Variants in ZNF121 observed in about 807,000 individuals in gnomAD.
ZNF121 encodes the protein zinc finger protein 121, also known as zinc finger protein 121 (clone ZHC32).
Under a neutral mutation model 2.4 loss-of-function variants are expected in ZNF121, and 1 was observed. The ratio of observed to expected loss-of-function variants is 0.41; its 90% CI spans 0.15 to 1.94. The LOEUF (loss-of-function observed/expected upper bound fraction) is 1.94. ZNF121 is among the 30% of genes most tolerant of loss of function. The probability of loss-of-function intolerance (pLI) is 0.30; values close to 1 mark genes in which losing one functional copy is unlikely to be tolerated. For missense variants in ZNF121, 369 were observed against 466.3 expected (o/e 0.79, Z 1.92); for synonymous variants, 173 against 158.6 (o/e 1.09, Z -0.68).
chr19:9,576,114 A>G (rs1381710906), intron 1 of ZNF121, among the ~76,000 whole-genome samples: 1 of 152,236 alleles, frequency 6.6e-6, no homozygotes, highest in Non-Finnish European at 1.5e-5. Context: ...CCACAAAAAA[A>G]AGTCACAACA....
At position 9,566,065 on chromosome 19, in the gene ZNF121, G is replaced by A. The variant is rs2074129602; in HGVS notation, c.1048C>T (p.Arg350Cys). Residue 350 changes from arginine to cysteine, a missense_variant, in exon 4 of 4, where the codon CGT (arginine) becomes TGT (cysteine). Arg to Cys is a radical substitution (Grantham distance 180). Around this residue, in one of 4 missense-constraint regions of ZNF121, gnomAD observed 127 missense variants for 169.9 expected, o/e 0.75. Coordinates refer to ENST00000320451, the MANE Select transcript of ZNF121 (RefSeq NM_001008727.5). ...YICKECGKTF[R>C]ASSHLQKHVR... Reference sequence around the variant, plus strand: ...TGTTTCTGTAGATGTGAAGAAGCACGGAAGGTTTTCCCACATTCCTTACAT... The same window carrying A: ...TGTTTCTGTAGATGTGAAGAAGCACAGAAGGTTTTCCCACATTCCTTACAT... The A allele has an allele frequency of 6.2e-7, 1 of 1,613,218 alleles. No individual in the cohort carries two copies. Among genetic ancestry groups the A allele is most frequent in the Non-Finnish European group, 8.5e-7 (1 of 1,179,688 alleles).
chr19:9,574,112 A>G (rs1263715391), intron 1 of ZNF121, among the ~76,000 whole-genome samples: 1 of 151,488 alleles, frequency 6.6e-6, no homozygotes, highest in Non-Finnish European at 1.5e-5. Context: ...GCACTTGAAC[A>G]TAAATTTTAT....
At chr19:9,574,360 TAGTC>T (rs2074195755) in intron 1 of ZNF121, among the ~76,000 whole-genome samples, 2 of 152,172 alleles carry the variant, frequency 1.3e-5, no homozygotes, top group South Asian at 4.1e-4. Flanking sequence ...TTCATCGTGT[TAGTC>T]AGGATGGTCT....
chr19:9,565,610 G>A lies in ZNF121; in HGVS notation c.*330C>T, dbSNP rs59495245. On this transcript the variant is annotated 3_prime_UTR_variant, in exon 4 of 4. Transcript: ENST00000320451. Reference sequence around the variant, plus strand: ...GAACCCAGGAGACAAAGGTTGCAGTGAGCTGGGATCATGCCATTGCACTCC... The same window carrying A: ...GAACCCAGGAGACAAAGGTTGCAGTAAGCTGGGATCATGCCATTGCACTCC... The A allele has an allele frequency of 6.6e-3, 999 of 152,250 alleles. 7 individuals carry two copies. The highest frequency in any genetic ancestry group is 0.023 in the African/African-American group (932 of 41,218). The allele number at this position is 152,250 out of a possible 1,614,324, so 9.4% of individuals were successfully genotyped here.
At chr19:9,581,364 T>C (rs2074247212) in intron 1 of ZNF121, among the ~76,000 whole-genome samples, 1 of 147,362 alleles carries the variant, frequency 6.8e-6, no homozygotes, top group Non-Finnish European at 1.5e-5. Context: ...TAATCCCGGT[T>C]GGTGAAACAC....
In ZNF121 at chr19:9,570,897, A is replaced by G. The variant is rs189309213; in HGVS notation, c.-159-1815T>C. Among the ~76,000 whole-genome samples, 16 of 152,292 alleles carry G rather than the reference A, an allele frequency of 1.1e-4. 1 individual carries two copies. Among genetic ancestry groups the G allele is most frequent in the African/African-American group, 3.4e-4 (14 of 41,558 alleles). On this transcript the variant is annotated intron_variant, in intron 1 of 3. Coordinates refer to ENST00000320451, the MANE Select transcript of ZNF121 (RefSeq NM_001008727.5). ...CACCCAGCCGAGTTCCCTGCTTTCA[A>G]TCGAGATGAAGGGGACCCAGAATAG...
chr19:9,574,153 T>C (rs2074193824), intron 1 of ZNF121, among the ~76,000 whole-genome samples: 1 of 151,974 alleles, frequency 6.6e-6, no homozygotes, highest in Non-Finnish European at 1.5e-5. Flanking sequence ...AATTTATTTA[T>C]ACATTTTTTT....
At chr19:9,569,862 G>A (rs572666653) in intron 1 of ZNF121, among the ~76,000 whole-genome samples, 3 of 130,086 alleles carry the variant, frequency 2.3e-5, no homozygotes, top group South Asian at 2.3e-4. Context: ...TTTTTTTTAC[G>A]ATATCGTCAA....
intron 1 of ZNF121, among the ~76,000 whole-genome samples, chr19:9,572,013 C>G (rs987207960): frequency 3.3e-5 from 5 of 152,194 alleles, no homozygotes; most frequent in East Asian, 3.8e-4. Flanking sequence ...AATCCTCCCA[C>G]GTCAGCCTCC....
chr19:9,569,830 G>A (rs2074160230), intron 1 of ZNF121, among the ~76,000 whole-genome samples: 1 of 145,868 alleles, frequency 6.9e-6, no homozygotes, highest in African/African-American at 2.6e-5. Context: ...ACCACGCCTG[G>A]CCGAGATCTT....
At chr19:9,582,943 C>T (rs1357727329) in intron 1 of ZNF121, among the ~76,000 whole-genome samples, 2 of 50,984 alleles carry the variant, frequency 3.9e-5, no homozygotes, top group African/African-American at 1.7e-4. Context: ...TGGCCAGGAG[C>T]GGAGGCTCAC....
rs994313110 is a variant in ZNF121 at position 9,572,698 on chromosome 19, T to C, written c.-159-3616A>G. ...GGGCAGTATTCTTGATAGTTTGCTA[T>C]AGCAAAGGCAAACGTGGGTTTAAGA... is the stretch of plus-strand genomic sequence containing the variant. On this transcript the variant is annotated intron_variant, in intron 1 of 3. Coordinates refer to ENST00000320451, the MANE Select transcript of ZNF121 (RefSeq NM_001008727.5). Among the ~76,000 whole-genome samples, 5 of 152,178 alleles carry C rather than the reference T, an allele frequency of 3.3e-5. 1 individual carries two copies. Among genetic ancestry groups the C allele is most frequent in the Admixed American group, 3.3e-4 (5 of 15,276 alleles).
rs569281777 is a variant in ZNF121 at position 9,584,024 on chromosome 19, C to T, written c.-160+437G>A. Among the ~76,000 whole-genome samples, 12 of 152,190 alleles carry T rather than the reference C, an allele frequency of 7.9e-5. No individual in the cohort carries two copies. The East Asian group carries it at 2.1e-3, about 27-fold the overall frequency. On this transcript the variant is annotated intron_variant, in intron 1 of 3. Transcript: ENST00000320451. Reference sequence around the variant, plus strand: ...GATTCTCAGACGAGACATTTTTAAGCAAAGAAATGGAAGTCAGAGCCCTCT... The same window carrying T: ...GATTCTCAGACGAGACATTTTTAAGTAAAGAAATGGAAGTCAGAGCCCTCT...
At chr19:9,575,495 G>T (rs1005426569) in intron 1 of ZNF121, among the ~76,000 whole-genome samples, 1 of 151,966 alleles carries the variant, frequency 6.6e-6, no homozygotes, top group Non-Finnish European at 1.5e-5. Flanking sequence ...TGTAATCCCA[G>T]CACTCTGGGA....
chr19:9,579,841 G>A (rs894782608), intron 1 of ZNF121, among the ~76,000 whole-genome samples: 3 of 152,132 alleles, frequency 2.0e-5, no homozygotes, highest in African/African-American at 7.2e-5. Context: ...TATTTAAGGT[G>A]ACAGATATTC....
In ZNF121 at chr19:9,566,336, C is replaced by G. The variant is rs754653253; in HGVS notation, c.777G>C (p.Lys259Asn). ...AGCTTCTGAAGGATTTTCCACATAC[C>G]TTACATTCAAAGGGCTTCTCCTCTG... is the stretch of plus-strand genomic sequence containing the variant. Reference protein sequence around the residue: ...THTEEKPFECKVCGKSFRSSS... With the variant: ...THTEEKPFECNVCGKSFRSSS... The change falls in exon 4 of 4, where the codon AAG becomes AAC. Residue 259 changes from lysine (K) to asparagine (N), a missense_variant. Lys to Asn is a moderately conservative substitution (Grantham distance 94, BLOSUM62 0). Transcript: ENST00000320451. 1 of 1,613,858 alleles carries G rather than the reference C, an allele frequency of 6.2e-7. No homozygotes were observed. The highest frequency in any genetic ancestry group is 8.5e-7 in the Non-Finnish European group (1 of 1,179,962).
chr19:9,573,881 C>G (rs764977879), intron 1 of ZNF121, among the ~76,000 whole-genome samples: 1 of 152,084 alleles, frequency 6.6e-6, no homozygotes, highest in Non-Finnish European at 1.5e-5. Context: ...CGGTCTCACT[C>G]CGTTGCCCAG....
chr19:9,575,013 A>C (rs1019170437), intron 1 of ZNF121, among the ~76,000 whole-genome samples: 1 of 152,218 alleles, frequency 6.6e-6, no homozygotes, highest in African/African-American at 2.4e-5. Context: ...CCTGAGCTCA[A>C]GCAATCCACC....
Position 9,565,385 on chromosome 19 carries a change from A to AAAAAAAAC in ZNF121, c.*554_*555insGTTTTTTT, listed in dbSNP as rs2074123398. 1 of 146,580 alleles carries AAAAAAAAC rather than the reference A, an allele frequency of 6.8e-6. No homozygotes were observed. The highest frequency in any genetic ancestry group is 1.5e-5 in the Non-Finnish European group (1 of 67,614). 9.1% of individuals were successfully genotyped at this position (146,580 alleles called of 1,614,324 possible). On this transcript the variant is annotated 3_prime_UTR_variant, in exon 4 of 4. Transcript: ENST00000320451. ...AAAAAAAAAAAAAAAAAAAAAAAAAAAAGGCCAGGAGCAGTGGCTCACTCC... is the reference window on the plus strand; with the variant it reads ...AAAAAAAAAAAAAAAAAAAAAAAAAAAAAAAAACAAGGCCAGGAGCAGTGGCTCACTCC...
Sources: allele counts gnomAD v4.1 joint callset (sites outside exome capture counted in the v4.1 genomes callset), GRCh38; gene constraint gnomAD v4.1.1; regional missense constraint gnomAD v4.1.1; transcripts MANE v1.5; gene names NCBI Gene and HGNC (gene_info 2026-07-23, HGNC 2026-07-21).